Variants in PTPRM observed in about 807,000 individuals in gnomAD.
The protein encoded by PTPRM is receptor-type tyrosine-protein phosphatase mu.
In PTPRM, 47 loss-of-function variants were observed where a neutral mutation model predicts 186.7. The ratio of observed to expected loss-of-function variants is 0.25; its 90% confidence interval spans 0.20 to 0.32. PTPRM has a LOEUF of 0.32. PTPRM is among the 10% of genes least tolerant of loss of function. The pLI is 1.00. For synonymous variants in PTPRM, 668 were observed against 674.9 expected (o/e 0.99, Z 0.16); for missense variants, 1,494 against 1,865.0 (o/e 0.80, Z 3.66).
chr18:7,983,570 A>G lies in PTPRM; in HGVS notation c.1132+28156A>G, dbSNP rs76574620. Among the ~76,000 whole-genome samples, 4 of 152,170 alleles carry G rather than the reference A, an allele frequency of 2.6e-5. No individual in the cohort carries two copies. In the East Asian group the frequency reaches 7.8e-4, roughly 30 times the overall value. On this transcript the variant is annotated intron_variant, in intron 7 of 32. Transcript: ENST00000580170. ...TGGCTTTCTCATCATTCTGTGTAAGACCTAAATCTTACCTTTTTTTCTCTT... is the reference window on the plus strand; with the variant it reads ...TGGCTTTCTCATCATTCTGTGTAAGGCCTAAATCTTACCTTTTTTTCTCTT...
At chr18:7,735,797 A>G (rs2040756781) in intron 1 of PTPRM, among the ~76,000 whole-genome samples, 1 of 152,040 alleles carries the variant, frequency 6.6e-6, no homozygotes, top group South Asian at 2.1e-4. Context: ...TAATCTACCT[A>G]ACAAGAACTT....
chr18:7,720,661 A>G (rs981818647), intron 1 of PTPRM, among the ~76,000 whole-genome samples: 1 of 152,176 alleles, frequency 6.6e-6, no homozygotes, highest in Admixed American at 6.5e-5. Context: ...GCCACCGGAA[A>G]CTATCATTCT....
chr18:7,928,872 A>G (rs1239470310), intron 5 of PTPRM, among the ~76,000 whole-genome samples: 2 of 152,058 alleles, frequency 1.3e-5, no homozygotes, highest in African/African-American at 4.8e-5. Context: ...ATCTTTCACT[A>G]CTTCCTACAC....
chr18:8,301,678 C>T (rs911810715), intron 20 of PTPRM, among the ~76,000 whole-genome samples: 5 of 152,204 alleles, frequency 3.3e-5, no homozygotes, highest in African/African-American at 9.7e-5. Context: ...TAGGTGTCAG[C>T]GAGAGAGCAG....
Position 8,114,787 on chromosome 18 carries a change from A to C in PTPRM, c.2131-4A>C, listed in dbSNP as rs776605504. ...TGATTTTTCCCTCTCTTTATTTGAC[A>C]CAGGAAACCAAAATAGACTGTGTCC... is the stretch of plus-strand genomic sequence containing the variant. On this transcript the variant is annotated splice_polypyrimidine_tract_variant and splice_region_variant and intron_variant, in intron 12 of 32. Coordinates refer to ENST00000580170, the MANE Select transcript of PTPRM (RefSeq NM_001105244.2). 16 of 1,606,808 alleles carry C rather than the reference A, an allele frequency of 1.0e-5. No homozygotes were observed. In the South Asian group the frequency reaches 1.2e-4, roughly 12 times the overall value.
rs73939454 is a variant in PTPRM, at chr18:8,370,115, T to C, written c.3055-775T>C. ...GCAGAAGAGGCCAAGGACAGAGCTT[T>C]GAGGTGGTCACGTGTTCCTGCCCAG... On this transcript the variant is annotated intron_variant, in intron 23 of 32. Coordinates refer to ENST00000580170, the MANE Select transcript of PTPRM (RefSeq NM_001105244.2). Among the ~76,000 whole-genome samples the C allele has an allele frequency of 4.1e-3, 626 of 151,298 alleles. 4 individuals carry two copies. Among genetic ancestry groups the C allele is most frequent in the African/African-American group, 0.014 (594 of 41,094 alleles).
intron 7 of PTPRM, among the ~76,000 whole-genome samples, chr18:7,969,175 A>G (rs1394783982): frequency 1.1e-5 from 1 of 88,266 alleles, no homozygotes; most frequent in African/African-American, 4.3e-5. Context: ...GCTCAACTAC[A>G]TGGAAACTGA....
intron 2 of PTPRM, among the ~76,000 whole-genome samples, chr18:7,820,565 C>A (rs1018952100): frequency 6.6e-6 from 1 of 152,156 alleles, no homozygotes. Flanking sequence ...ATGACAGACA[C>A]CCTAGCAGCT....
intron 22 of PTPRM, among the ~76,000 whole-genome samples, chr18:8,342,688 G>GT (rs1005065279): frequency 1.3e-5 from 2 of 152,056 alleles, no homozygotes; most frequent in African/African-American, 4.8e-5. Flanking sequence ...TCGAGTTTGG[G>GT]TTTTTTTAAA....
At chr18:7,714,634 A>G (rs548109781) in intron 1 of PTPRM, among the ~76,000 whole-genome samples, 1 of 152,332 alleles carries the variant, frequency 6.6e-6, no homozygotes, top group East Asian at 1.9e-4. Context: ...AGACTAACAA[A>G]GCAGAAAAGA....
intron 6 of PTPRM, among the ~76,000 whole-genome samples, chr18:7,954,756 T>C (rs1030284543): frequency 1.3e-5 from 2 of 152,174 alleles, no homozygotes; most frequent in Non-Finnish European, 2.9e-5. Flanking sequence ...TTGTAATTAG[T>C]ATCCTAAAAC....
chr18:8,138,932 C>T (rs1023299904), intron 13 of PTPRM, among the ~76,000 whole-genome samples: 3 of 152,080 alleles, frequency 2.0e-5, no homozygotes, highest in South Asian at 2.1e-4. Context: ...CCTGGACATC[C>T]GCCTCCATGT....
intron 17 of PTPRM, among the ~76,000 whole-genome samples, chr18:8,249,323 A>T (rs921914635): frequency 3.3e-5 from 5 of 152,192 alleles, no homozygotes; most frequent in African/African-American, 1.2e-4. Flanking sequence ...ATGAATTAAG[A>T]TAGAACTTTA....
At chr18:8,231,435 C>T (rs548495195) in intron 14 of PTPRM, among the ~76,000 whole-genome samples, 119 of 152,268 alleles carry the variant, frequency 7.8e-4, no homozygotes, top group African/African-American at 2.6e-3. Context: ...AATTTGTTCT[C>T]CTAGTTGGCA....
At chr18:7,616,154 C>T (rs2037798178) in intron 1 of PTPRM, among the ~76,000 whole-genome samples, 1 of 152,086 alleles carries the variant, frequency 6.6e-6, no homozygotes, top group Non-Finnish European at 1.5e-5. Flanking sequence ...CAGCTGGGTT[C>T]CTGTTAGGAT....
chr18:8,108,085 A>G (rs563111009), intron 11 of PTPRM, among the ~76,000 whole-genome samples: 1 of 152,266 alleles, frequency 6.6e-6, no homozygotes, highest in South Asian at 2.1e-4. Flanking sequence ...GCTGCATGGC[A>G]TTAACCCTTA....
chr18:7,689,451 C>T (rs2039685719), intron 1 of PTPRM, among the ~76,000 whole-genome samples: 1 of 152,208 alleles, frequency 6.6e-6, no homozygotes, highest in South Asian at 2.1e-4. Flanking sequence ...TTCTCCTCAC[C>T]AAGGAAAGAT....
intron 1 of PTPRM, among the ~76,000 whole-genome samples, chr18:7,590,364 C>G (rs1381885761): frequency 6.6e-6 from 1 of 151,982 alleles, no homozygotes; most frequent in Non-Finnish European, 1.5e-5. Context: ...GTGGCTGTTC[C>G]CAGGGTGATG....
chr18:7,877,472 C>T (rs896334788), intron 2 of PTPRM, among the ~76,000 whole-genome samples: 3 of 152,132 alleles, frequency 2.0e-5, no homozygotes, highest in African/African-American at 4.8e-5. Context: ...GTTATCTTGT[C>T]TTCTAGGCTA....
Sources: allele counts gnomAD v4.1 joint callset (sites outside exome capture counted in the v4.1 genomes callset), GRCh38; gene constraint gnomAD v4.1.1; transcripts MANE v1.5; gene names NCBI Gene and HGNC (gene_info 2026-07-23, HGNC 2026-07-21).